Variants in MAGI1 observed in about 807,000 individuals in gnomAD.
The protein encoded by MAGI1 is membrane associated guanylate kinase, WW and PDZ domain containing 1, also known as membrane-associated guanylate kinase, WW and PDZ domain-containing protein 1.
In MAGI1, 58 loss-of-function variants were observed where a neutral mutation model predicts 139.9. The observed-to-expected ratio is 0.41, with a 90% CI of 0.34 to 0.52. MAGI1 has a LOEUF of 0.52. Among genes scored for constraint, MAGI1 ranks in the 20% least tolerant of loss-of-function variants. MAGI1 has a pLI of 0.12. For synonymous variants in MAGI1, 812 were observed against 737.9 expected (o/e 1.10, Z -1.63); for missense variants, 1,874 against 1,901.6 (o/e 0.99, Z 0.27).
intron 4 of MAGI1, among the ~76,000 whole-genome samples, chr3:65,473,008 G>T (rs1247565887): frequency 2.0e-5 from 3 of 152,284 alleles, no homozygotes; most frequent in East Asian, 3.9e-4. Flanking sequence ...ACTTAACCTT[G>T]TGTGCCTTCA....
intron 2 of MAGI1, among the ~76,000 whole-genome samples, chr3:65,610,786 G>GTA (rs1351168846): frequency 9.0e-5 from 7 of 77,704 alleles, no homozygotes; most frequent in Non-Finnish European, 2.1e-4. Flanking sequence ...ACTGTATATA[G>GTA]TATATATAGT....
chr3:65,479,974 A>G (rs1951155051), intron 3 of MAGI1, among the ~76,000 whole-genome samples: 1 of 152,150 alleles, frequency 6.6e-6, no homozygotes, highest in Admixed American at 6.5e-5. Flanking sequence ...GAGTAAGGCC[A>G]GGAAGACAGG....
intron 2 of MAGI1, among the ~76,000 whole-genome samples, chr3:65,601,680 T>A (rs2082487596): frequency 6.6e-6 from 1 of 151,652 alleles, no homozygotes; most frequent in South Asian, 2.1e-4. Flanking sequence ...AAGAGTAAGA[T>A]AAAAAAGCAG....
chr3:65,933,449 CTCA>C (rs2062897070), intron 1 of MAGI1, among the ~76,000 whole-genome samples: 1 of 152,148 alleles, frequency 6.6e-6, no homozygotes, highest in Admixed American at 6.5e-5. Context: ...CTTGTCTGTC[CTCA>C]TACTATAGCA....
chr3:65,604,136 G>A (rs2082619396), intron 2 of MAGI1, among the ~76,000 whole-genome samples: 1 of 151,600 alleles, frequency 6.6e-6, no homozygotes, highest in African/African-American at 2.4e-5. Flanking sequence ...GCTTTTCAGG[G>A]GAAAAGAAAA....
intron 12 of MAGI1, among the ~76,000 whole-genome samples, chr3:65,419,314 T>C (rs1946478177): frequency 6.6e-6 from 1 of 152,134 alleles, no homozygotes; most frequent in Non-Finnish European, 1.5e-5. Flanking sequence ...TATGCATGTA[T>C]GCATGCGTGG....
chr3:65,386,614 A>C (rs1943468190), intron 14 of MAGI1, among the ~76,000 whole-genome samples: 1 of 152,164 alleles, frequency 6.6e-6, no homozygotes, highest in Non-Finnish European at 1.5e-5. Flanking sequence ...ACTTCCCCCA[A>C]AATGGTTTTC....
At chr3:65,574,036 T>C (rs1024737558) in intron 2 of MAGI1, among the ~76,000 whole-genome samples, 5 of 151,994 alleles carry the variant, frequency 3.3e-5, no homozygotes, top group Middle Eastern at 3.2e-3. Flanking sequence ...CTGATCTATG[T>C]AGAAAATCTG....
At chr3:65,950,998 AGG>A (rs2063817524) in intron 1 of MAGI1, among the ~76,000 whole-genome samples, 1 of 128,674 alleles carries the variant, frequency 7.8e-6, no homozygotes, top group Non-Finnish European at 1.7e-5. Context: ...GAAGGAAGGA[AGG>A]AAGGAAGGAA....
intron 1 of MAGI1, among the ~76,000 whole-genome samples, chr3:65,815,370 A>T (rs940354042): frequency 3.9e-5 from 6 of 152,318 alleles, no homozygotes; most frequent in Middle Eastern, 6.8e-3. Flanking sequence ...CCAACTGAGC[A>T]GTTTCAAGGA....
intron 3 of MAGI1, among the ~76,000 whole-genome samples, chr3:65,489,759 T>C (rs530425268): frequency 5.3e-5 from 8 of 152,360 alleles, no homozygotes; most frequent in African/African-American, 1.9e-4. Flanking sequence ...ATATATGTTG[T>C]GTACATATAA....
intron 1 of MAGI1, among the ~76,000 whole-genome samples, chr3:65,870,487 A>G (rs2059900632): frequency 6.6e-6 from 1 of 152,000 alleles, no homozygotes; most frequent in Admixed American, 6.6e-5. Context: ...GAATGGACCA[A>G]GGCAGTGACT....
intron 1 of MAGI1, among the ~76,000 whole-genome samples, chr3:65,833,854 T>C (rs1201677461): frequency 1.3e-5 from 2 of 152,202 alleles, no homozygotes; most frequent in African/African-American, 4.8e-5. Context: ...AGGGGCTAGA[T>C]CTCTTAGTTT....
At chr3:65,641,941 C>G (rs1576575345) in intron 1 of MAGI1, among the ~76,000 whole-genome samples, 1 of 152,128 alleles carries the variant, frequency 6.6e-6, no homozygotes, top group Admixed American at 6.5e-5. Flanking sequence ...GGGTTAGGGG[C>G]CCAAGGTTTC....
intron 1 of MAGI1, among the ~76,000 whole-genome samples, chr3:65,653,774 G>A (rs1308149088): frequency 6.6e-6 from 1 of 152,098 alleles, no homozygotes; most frequent in African/African-American, 2.4e-5. Flanking sequence ...GGAAGAAGAG[G>A]CATAATTAAC....
At chr3:65,439,219 T>C (rs1171281646) in intron 9 of MAGI1, among the ~76,000 whole-genome samples, 1 of 152,162 alleles carries the variant, frequency 6.6e-6, no homozygotes, top group Admixed American at 6.5e-5. Flanking sequence ...AACTTAGTAA[T>C]ATGTGCAAGA....
At chr3:65,824,496 T>G (rs1356577697) in intron 1 of MAGI1, among the ~76,000 whole-genome samples, 2 of 152,210 alleles carry the variant, frequency 1.3e-5, no homozygotes, top group Non-Finnish European at 2.9e-5. Flanking sequence ...AGAAAACATG[T>G]GAACGGTGCT....
At chr3:65,721,772 T>C (rs1268269731) in intron 1 of MAGI1, among the ~76,000 whole-genome samples, 2 of 152,156 alleles carry the variant, frequency 1.3e-5, no homozygotes, top group Non-Finnish European at 2.9e-5. Context: ...AATTAAATCA[T>C]TGCACACTGC....
chr3:65,966,661 GAAATA>G (rs2064760473), intron 1 of MAGI1, among the ~76,000 whole-genome samples: 1 of 152,134 alleles, frequency 6.6e-6, no homozygotes, highest in Non-Finnish European at 1.5e-5. Flanking sequence ...TATGGCCATA[GAAATA>G]AAATAGATTT....
Sources: gnomAD v4.1 joint callset for allele counts (sites outside exome capture counted in the v4.1 genomes callset) on GRCh38, gnomAD v4.1.1 for gene constraint, MANE v1.5 for transcripts, NCBI Gene and HGNC (gene_info 2026-07-23, HGNC 2026-07-21) for gene names.